The following ACVR1C variants were observed in gnomAD, a reference collection of about 807,000 sequenced individuals.
ACVR1C encodes activin A receptor type 1C.
Under a neutral mutation model 57.9 loss-of-function variants are expected in ACVR1C, and 23 were observed. The observed-to-expected ratio is 0.40, with a 90% CI of 0.29 to 0.56. The LOEUF (loss-of-function observed/expected upper bound fraction) is 0.56, where lower values mean the gene tolerates loss of function less well. Among genes scored for constraint, ACVR1C ranks in the 20% least tolerant of loss-of-function variants. The pLI is 0.50. For missense variants in ACVR1C, 480 were observed against 607.9 expected (o/e 0.79, Z 2.21); for synonymous variants, 214 against 215.3 (o/e 0.99, Z 0.05).
At chr2:157,552,637 G>C (rs1370660912) in intron 3 of ACVR1C, among the ~76,000 whole-genome samples, 1 of 152,210 alleles carries the variant, frequency 6.6e-6, no homozygotes, top group African/African-American at 2.4e-5. Context: ...TGGATGGAGA[G>C]CTAGATAAGC....
At chr2:157,622,191 C>T (rs1682791543) in intron 1 of ACVR1C, among the ~76,000 whole-genome samples, 1 of 151,702 alleles carries the variant, frequency 6.6e-6, no homozygotes, top group South Asian at 2.1e-4. Flanking sequence ...CTTAGAAGAC[C>T]AAAGCAATGG....
chr2:157,597,637 A>AT (rs1682166459), intron 1 of ACVR1C: 1 of 897,592 alleles, frequency 1.1e-6, no homozygotes. Context: ...GAGGCAGGCT[A>AT]TTTTTTACAG....
intron 1 of ACVR1C, among the ~76,000 whole-genome samples, chr2:157,610,464 G>T (rs1014272594): frequency 6.6e-6 from 1 of 152,046 alleles, no homozygotes; most frequent in Non-Finnish European, 1.5e-5. Context: ...GCTGTTTATA[G>T]AATTCTCTTT....
chr2:157,591,215 C>T (rs1689049324), intron 1 of ACVR1C, among the ~76,000 whole-genome samples: 1 of 151,758 alleles, frequency 6.6e-6, no homozygotes, highest in African/African-American at 2.4e-5. Context: ...GATTTGACTG[C>T]TCTCCTTTTT....
chr2:157,545,018 T>C (rs1687717612), intron 4 of ACVR1C, among the ~76,000 whole-genome samples: 1 of 152,192 alleles, frequency 6.6e-6, no homozygotes, highest in South Asian at 2.1e-4. Flanking sequence ...ATCAGAAATA[T>C]AACAAATTTA....
intron 1 of ACVR1C, among the ~76,000 whole-genome samples, chr2:157,603,996 A>T (rs1682336589): frequency 6.6e-6 from 1 of 152,070 alleles, no homozygotes. Context: ...AGAGGTACCC[A>T]CGTTTAACTA....
chr2:157,533,869 A>C lies in ACVR1C; in HGVS notation c.*49T>G. On this transcript the variant is annotated 3_prime_UTR_variant, in exon 9 of 9. Coordinates refer to ENST00000243349, the MANE Select transcript of ACVR1C (RefSeq NM_145259.3). Reference sequence around the variant, plus strand: ...GCAAAAACATTCACATAAAGGGGAAAATGGAAAAGAAAGCTATGAGAGATT... The same window carrying C: ...GCAAAAACATTCACATAAAGGGGAACATGGAAAAGAAAGCTATGAGAGATT... 1 of 1,482,938 alleles carries C rather than the reference A, an allele frequency of 6.7e-7. No homozygotes were observed. Among genetic ancestry groups the C allele is most frequent in the Non-Finnish European group, 8.9e-7 (1 of 1,119,150 alleles). The allele number at this position is 1,482,938 out of a possible 1,614,324, so 91.9% of individuals were successfully genotyped here. A position where few individuals can be genotyped will look rare whatever the true frequency, so the allele number is the denominator to read the frequency against.
intron 8 of ACVR1C, among the ~76,000 whole-genome samples, chr2:157,535,225 T>G (rs1687453484): frequency 6.6e-6 from 1 of 150,754 alleles, no homozygotes; most frequent in South Asian, 2.1e-4. Flanking sequence ...GCAAATTGCC[T>G]AAGTCCTTCT....
At chr2:157,594,890 T>C (rs1403852279) in intron 1 of ACVR1C, among the ~76,000 whole-genome samples, 2 of 152,246 alleles carry the variant, frequency 1.3e-5, no homozygotes, top group Non-Finnish European at 2.9e-5. Context: ...ATTTATTTAC[T>C]TACTGCCTCA....
Position 157,554,268 on chromosome 2 carries a change from AAAGG to A in ACVR1C, c.544+1821_544+1824del, listed in dbSNP as rs1160617438. Among the ~76,000 whole-genome samples the A allele has an allele frequency of 4.3e-3, 490 of 113,520 alleles. 4 individuals are homozygous for A. Among genetic ancestry groups the A allele is most frequent in the East Asian group, 7.9e-3 (33 of 4,186 alleles). The allele number at this position is 113,520 out of a possible 152,430, so 74.5% of individuals were successfully genotyped here. On this transcript the variant is annotated intron_variant, in intron 3 of 8. Transcript: ENST00000243349. ...GAAAGAAAGAAAGAAAGAAAGAAAG[AAAGG>A]AAGGAAGGAAGAGAGAGAGAGAGAG...
At chr2:157,561,505 G>C (rs1347353902) in intron 2 of ACVR1C, among the ~76,000 whole-genome samples, 1 of 152,146 alleles carries the variant, frequency 6.6e-6, no homozygotes, top group African/African-American at 2.4e-5. Context: ...ACACACTCCT[G>C]TGAATTCAAT....
chr2:157,554,249 A>G (rs538854509), intron 3 of ACVR1C, among the ~76,000 whole-genome samples: 5 of 138,324 alleles, frequency 3.6e-5, no homozygotes, highest in African/African-American at 1.6e-4. Flanking sequence ...GAAAGAAAGA[A>G]AGAAAGAAAG....
chr2:157,575,475 C>G (rs148748106), intron 2 of ACVR1C, among the ~76,000 whole-genome samples: 323 of 152,224 alleles, frequency 2.1e-3, no homozygotes, highest in African/African-American at 7.6e-3. Context: ...CACCACCTGG[C>G]CAAGGCTGGT....
chr2:157,596,372 A>G (rs1053180929), intron 1 of ACVR1C, among the ~76,000 whole-genome samples: 1 of 152,214 alleles, frequency 6.6e-6, no homozygotes, highest in African/African-American at 2.4e-5. Context: ...GACAAAAAGA[A>G]GTCAAGTAAT....
At chr2:157,542,884 A>AT (rs1161146100) in intron 5 of ACVR1C, 22 bp from the exon 6 acceptor site, 1 of 1,610,500 alleles carries the variant, frequency 6.2e-7, no homozygotes, top group Non-Finnish European at 8.5e-7. Context: ...AGAAGAACAT[A>AT]TTCATTTTTT....
Position 157,542,752 on chromosome 2 carries a change from G to C in ACVR1C, c.1054C>G (p.Leu352Val), listed in dbSNP as rs55687582. The change falls in exon 6 of 9, where the codon CTG becomes GTG. Residue 352 changes from leucine to valine, a missense_variant. Leu to Val is a conservative substitution (Grantham distance 32, BLOSUM62 1). Transcript: ENST00000243349. ...LGLAVKHDSI[L>V]NTIDIPQNPK... ...TTCTGAGGTATGTCGATAGTGTTCA[G>C]TATTGAATCATGCTTCACAGCCAAC... The C allele has an allele frequency of 2.5e-6, 4 of 1,613,980 alleles. No homozygotes were observed. In the African/African-American group the frequency reaches 5.3e-5, roughly 22 times the overall value.
intron 1 of ACVR1C, among the ~76,000 whole-genome samples, chr2:157,614,045 T>C (rs1467660717): frequency 6.6e-6 from 1 of 152,218 alleles, no homozygotes; most frequent in Non-Finnish European, 1.5e-5. Context: ...GTCTTTAATC[T>C]CTTTAGGACT....
rs759198609 is a variant in ACVR1C at position 157,587,238 on chromosome 2, C to T, written c.253G>A (p.Glu85Lys). ...TTGCAAAAATCTGTGAAGCAGCATT[C>T]GGTTTTGGTAACATTGTTGGAACTA... ...CHSSNNVTKT[E>K]CCFTDFCNNI... Residue 85 changes from glutamate to lysine, a missense_variant, in exon 2 of 9, where the codon GAA becomes AAA. Coordinates refer to ENST00000243349, the MANE Select transcript of ACVR1C (RefSeq NM_145259.3). 2.5e-6 allele frequency: 4 copies of T among 1,613,504 alleles called. No homozygotes were observed. Among genetic ancestry groups the T allele is most frequent in the Admixed American group, 1.7e-5 (1 of 59,952 alleles).
intron 4 of ACVR1C, among the ~76,000 whole-genome samples, chr2:157,546,254 T>C (rs1412472219): frequency 6.6e-6 from 1 of 152,214 alleles, no homozygotes; most frequent in Admixed American, 6.5e-5. Flanking sequence ...ATGAGAAATG[T>C]CTCATCCTCA....
Sources: gnomAD v4.1 joint callset for allele counts (sites outside exome capture counted in the v4.1 genomes callset) on GRCh38, gnomAD v4.1.1 for gene constraint, MANE v1.5 for transcripts, NCBI Gene and HGNC (gene_info 2026-07-23, HGNC 2026-07-21) for gene names.